Variants in CERS6 observed in about 807,000 individuals in gnomAD.
CERS6 encodes the protein LAG1 homolog, ceramide synthase 6.
A neutral mutation model predicts 56.8 loss-of-function variants in CERS6; 26 were observed. The ratio of observed to expected loss-of-function variants is 0.46; its 90% CI spans 0.34 to 0.63. CERS6 has a LOEUF of 0.63. Among genes scored for constraint, CERS6 ranks in the 30% least tolerant of loss-of-function variants. The probability of loss-of-function intolerance (pLI) is 0.01; values close to 1 mark genes in which losing one functional copy is unlikely to be tolerated. For synonymous variants in CERS6, 164 were observed against 173.3 expected, an observed-to-expected ratio of 0.95 and a Z score of 0.42; for missense variants, 415 against 467.5, an observed-to-expected ratio of 0.89 and a Z score of 1.04.
At chr2:168,497,692 G>A (rs1037983688) in intron 1 of CERS6, among the ~76,000 whole-genome samples, 6 of 152,188 alleles carry the variant, frequency 3.9e-5, no homozygotes, top group Non-Finnish European at 7.3e-5. Context: ...TGACATGGTG[G>A]CTGGCTCATC....
chr2:168,581,002 A>G (rs1323557541), intron 3 of CERS6, among the ~76,000 whole-genome samples: 2 of 150,900 alleles, frequency 1.3e-5, no homozygotes. Context: ...TCTTAAATCT[A>G]TGAATCTATG....
chr2:168,729,189 G>A (rs558409211), intron 8 of CERS6, among the ~76,000 whole-genome samples: 1 of 152,254 alleles, frequency 6.6e-6, no homozygotes, highest in South Asian at 2.1e-4. Context: ...AGAAAATTCA[G>A]TATGACCATT....
At chr2:168,555,465 G>A (rs1159593928) in intron 2 of CERS6, among the ~76,000 whole-genome samples, 1 of 151,928 alleles carries the variant, frequency 6.6e-6, no homozygotes, top group Non-Finnish European at 1.5e-5. Flanking sequence ...AAGGAAGAAA[G>A]TAGTAACGAT....
intron 8 of CERS6, among the ~76,000 whole-genome samples, chr2:168,756,870 T>C (rs550231241): frequency 1.3e-4 from 19 of 151,838 alleles, no homozygotes; most frequent in Admixed American, 3.3e-4. Context: ...ATATGAAAAA[T>C]AGGGATAATA....
intron 1 of CERS6, among the ~76,000 whole-genome samples, chr2:168,492,396 G>T (rs1032953204): frequency 6.6e-6 from 1 of 152,100 alleles, no homozygotes; most frequent in Middle Eastern, 3.4e-3. Context: ...TTTCATGTTT[G>T]TTGGCCACAT....
intron 4 of CERS6, among the ~76,000 whole-genome samples, chr2:168,645,160 G>C (rs867833356): frequency 1.8e-5 from 2 of 112,604 alleles, no homozygotes; most frequent in African/African-American, 7.0e-5. Context: ...GAGAGAGAGA[G>C]AGAGAGAGAG....
At position 168,456,965 on chromosome 2, in the gene CERS6, C is replaced by G. The variant is rs1476365393; in HGVS notation, c.170+347C>G. ...CCCGCCGCATTCCGCGGGGCTCGCC[C>G]CTCTCCGCCGGCGCGCCACGCAAGG... On this transcript the variant is annotated intron_variant, in intron 1 of 9. Transcript: ENST00000305747. This position sits in a 1 kb window ranked among gnomAD's most constrained non-coding sequence, Gnocchi z 4.1. 6.6e-6 allele frequency among the ~76,000 whole-genome samples: 1 copy of G among 152,236 alleles called. No individual in the cohort carries two copies.
rs1694293931 is a variant in CERS6 at position 168,487,389 on chromosome 2, G to C, written c.170+30771G>C. Among the ~76,000 whole-genome samples the C allele has an allele frequency of 3.3e-5, 5 of 152,324 alleles. No homozygotes were observed. The South Asian group carries it at 1.0e-3, about 32-fold the overall frequency. On this transcript the variant is annotated intron_variant, in intron 1 of 9. Transcript: ENST00000305747. ...CTATTTTAAAGAAATGACTGGCAGAGAGGTGGAGTGCCTCCAAGGCTGCAA... is the reference window on the plus strand; with the variant it reads ...CTATTTTAAAGAAATGACTGGCAGACAGGTGGAGTGCCTCCAAGGCTGCAA...
At chr2:168,561,810 G>T (rs1695794846) in intron 3 of CERS6, among the ~76,000 whole-genome samples, 1 of 152,086 alleles carries the variant, frequency 6.6e-6, no homozygotes, top group South Asian at 2.1e-4. Flanking sequence ...GAAGTTGGGG[G>T]ATGGAATTGA....
intron 4 of CERS6, among the ~76,000 whole-genome samples, chr2:168,688,424 A>T (rs902023904): frequency 6.6e-6 from 1 of 151,856 alleles, no homozygotes; most frequent in African/African-American, 2.4e-5. Flanking sequence ...TCAAAAAAAA[A>T]AAAAAAGAAG....
chr2:168,622,540 T>A (rs941896294), intron 3 of CERS6, among the ~76,000 whole-genome samples: 34 of 152,360 alleles, frequency 2.2e-4, no homozygotes, highest in African/African-American at 7.9e-4. Context: ...CATCAGACTT[T>A]CCATAACTGC....
At chr2:168,574,682 T>C (rs1261498717) in intron 3 of CERS6, among the ~76,000 whole-genome samples, 2 of 146,134 alleles carry the variant, frequency 1.4e-5, no homozygotes, top group Middle Eastern at 3.2e-3. Flanking sequence ...GAAAACTAAT[T>C]AATTTTGATC....
rs565410662 is a variant in CERS6 at position 168,710,982 on chromosome 2, G to A, written c.610-4019G>A. ...TGGAAGACGCATGTTTCCCCTGACAGTGGAATCTACCATCAATGTGTCATG... is the reference window on the plus strand; with the variant it reads ...TGGAAGACGCATGTTTCCCCTGACAATGGAATCTACCATCAATGTGTCATG... On this transcript the variant is annotated intron_variant, in intron 6 of 9. Transcript: ENST00000305747. 2.6e-5 allele frequency among the ~76,000 whole-genome samples: 4 copies of A among 152,336 alleles called. No homozygotes were observed. In the South Asian group the frequency reaches 8.3e-4, roughly 32 times the overall value.
intron 2 of CERS6, among the ~76,000 whole-genome samples, chr2:168,559,542 T>A (rs1695746120): frequency 6.6e-6 from 1 of 151,582 alleles, no homozygotes; most frequent in South Asian, 2.1e-4. Flanking sequence ...GCAAGCTCTC[T>A]AGTGTCTCTT....
intron 1 of CERS6, among the ~76,000 whole-genome samples, chr2:168,541,772 A>G (rs186249995): frequency 2.4e-4 from 36 of 152,314 alleles, no homozygotes; most frequent in African/African-American, 8.4e-4. Flanking sequence ...TCCTATCTGC[A>G]TTCAGTTTAC....
intron 3 of CERS6, among the ~76,000 whole-genome samples, chr2:168,599,170 C>T (rs1683874005): frequency 6.6e-6 from 1 of 152,142 alleles, no homozygotes; most frequent in Non-Finnish European, 1.5e-5. Flanking sequence ...CTCAGGTTAC[C>T]TTGCAGAGCA....
intron 4 of CERS6, among the ~76,000 whole-genome samples, chr2:168,689,842 A>C (rs963425711): frequency 6.6e-6 from 1 of 152,146 alleles, no homozygotes; most frequent in Non-Finnish European, 1.5e-5. Flanking sequence ...TTGTACAGGA[A>C]TCTGGCTCCC....
At chr2:168,664,570 T>A (rs919783071) in intron 4 of CERS6, among the ~76,000 whole-genome samples, 1 of 152,134 alleles carries the variant, frequency 6.6e-6, no homozygotes, top group Non-Finnish European at 1.5e-5. Flanking sequence ...TATGGTTACT[T>A]TTTGGTGATA....
intron 3 of CERS6, among the ~76,000 whole-genome samples, chr2:168,569,791 G>A (rs188364286): frequency 1.1e-4 from 17 of 152,256 alleles, no homozygotes; most frequent in Admixed American, 8.5e-4. Flanking sequence ...AAAACCTCTC[G>A]GGTATTTGGG....
Sources: gnomAD v4.1 joint callset for allele counts (sites outside exome capture counted in the v4.1 genomes callset) on GRCh38, gnomAD v4.1.1 for gene constraint, Gnocchi (gnomAD v3.1) non-coding constraint, MANE v1.5 for transcripts, NCBI Gene and HGNC (gene_info 2026-07-23, HGNC 2026-07-21) for gene names.